FRMD3: variants seen among roughly 807,000 people sequenced by gnomAD.
FRMD3 encodes the protein FERM domain-containing protein 3.
A neutral mutation model predicts 70.2 loss-of-function variants in FRMD3; 33 were observed. The observed-to-expected ratio is 0.47, with a 90% confidence interval of 0.36 to 0.63. The LOEUF (loss-of-function observed/expected upper bound fraction) is 0.63, where lower values mean the gene tolerates loss of function less well. FRMD3 is among the 20% of genes least tolerant of loss of function. FRMD3 has a pLI of 0.00. For synonymous variants in FRMD3, 279 were observed against 255.9 expected (o/e 1.09, Z -0.86); for missense variants, 632 against 711.4 (o/e 0.89, Z 1.27).
chr9:83,491,628 T>C (rs1370229570), intron 1 of FRMD3, among the ~76,000 whole-genome samples: 1 of 152,014 alleles, frequency 6.6e-6, no homozygotes, highest in Non-Finnish European at 1.5e-5. Context: ...ACTCCACAGG[T>C]TTTGGTGACC....
chr9:83,359,280 G>T (rs1173559050), intron 3 of FRMD3, among the ~76,000 whole-genome samples: 3 of 152,280 alleles, frequency 2.0e-5, no homozygotes, highest in Non-Finnish European at 2.9e-5. Flanking sequence ...AATGCTGAGT[G>T]GTTGCCTCAC....
the FRMD3 span, among the ~76,000 whole-genome samples, chr9:83,577,447 C>T: frequency 3.1e-4 from 47 of 152,062 alleles, no homozygotes; most frequent in Middle Eastern, 3.4e-3. Context: ...CAAGACAATT[C>T]GATGAGGGAA....
intron 1 of FRMD3, among the ~76,000 whole-genome samples, chr9:83,407,500 C>T (rs998338768): frequency 6.6e-6 from 1 of 152,206 alleles, no homozygotes; most frequent in African/African-American, 2.4e-5. Context: ...TTCGGCTCCA[C>T]AATCCCTACC....
chr9:83,350,668 A>G lies in FRMD3; in HGVS notation c.296-911T>C, dbSNP rs1027549696. On this transcript the variant is annotated intron_variant, in intron 3 of 13. Transcript: ENST00000304195. ...GAAAGAAAAAGAAAAAGAAAGAAGAAAAAGAAAAAAAAGAAAAGAAAACAA... is the reference window on the plus strand; with the variant it reads ...GAAAGAAAAAGAAAAAGAAAGAAGAGAAAGAAAAAAAAGAAAAGAAAACAA... 4 of 680,512 alleles carry G rather than the reference A, an allele frequency of 5.9e-6. No individual in the cohort carries two copies. In the African/African-American group the frequency reaches 7.8e-5, roughly 13 times the overall value. 42.2% of individuals were successfully genotyped at this position (680,512 alleles called of 1,614,324 possible).
intron 6 of FRMD3, among the ~76,000 whole-genome samples, chr9:83,314,944 A>G (rs931577762): frequency 2.6e-5 from 4 of 151,880 alleles, no homozygotes; most frequent in Non-Finnish European, 5.9e-5. Context: ...TTCATTCTTT[A>G]TATCTCTGTC....
At chr9:83,428,580 T>G (rs1826881766) in intron 1 of FRMD3, among the ~76,000 whole-genome samples, 1 of 151,860 alleles carries the variant, frequency 6.6e-6, no homozygotes, top group African/African-American at 2.4e-5. Flanking sequence ...TATTTAGTCC[T>G]CAGTTCATTT....
chr9:83,368,012 T>C lies in FRMD3; in HGVS notation c.295+4901A>G, dbSNP rs1363390654. On this transcript the variant is annotated intron_variant, in intron 3 of 13. Transcript: ENST00000304195. ...TCCATTGTGTTCTTCTATTATATAT[T>C]GATAAACACAGCAACTTGGGTGAAT... Among the ~76,000 whole-genome samples, 4 of 152,206 alleles carry C rather than the reference T, an allele frequency of 2.6e-5. No individual in the cohort carries two copies. The South Asian group carries it at 6.2e-4, about 24-fold the overall frequency.
chr9:83,346,008 G>C (rs1036722622), intron 4 of FRMD3, among the ~76,000 whole-genome samples: 2 of 152,026 alleles, frequency 1.3e-5, no homozygotes, highest in African/African-American at 4.8e-5. Context: ...TGTACTCCCA[G>C]CATTTGGGAG....
intron 3 of FRMD3, among the ~76,000 whole-genome samples, chr9:83,358,462 T>C (rs1434686034): frequency 6.6e-6 from 1 of 152,200 alleles, no homozygotes; most frequent in Non-Finnish European, 1.5e-5. Context: ...TTTCTAGTTA[T>C]GTGAAGAATG....
intron 1 of FRMD3, among the ~76,000 whole-genome samples, chr9:83,494,675 G>T (rs1828899545): frequency 6.6e-6 from 1 of 152,172 alleles, no homozygotes; most frequent in Non-Finnish European, 1.5e-5. Flanking sequence ...ACCCAAGGTG[G>T]GGAGGATTGC....
intron 1 of FRMD3, among the ~76,000 whole-genome samples, chr9:83,530,409 C>T (rs1211190435): frequency 6.6e-6 from 1 of 152,102 alleles, no homozygotes; most frequent in South Asian, 2.1e-4. Context: ...TTTTATGATT[C>T]CATTTTTATC....
In FRMD3 at chr9:83,507,158, C is replaced by T. The variant is rs569803006; in HGVS notation, c.147+30927G>A. 3.1e-4 allele frequency among the ~76,000 whole-genome samples: 46 copies of T among 150,354 alleles called. 2 individuals are homozygous for T. In the South Asian group the frequency reaches 6.3e-3, roughly 21 times the overall value. The stretch of plus-strand genomic sequence containing the variant: ...GGTGGATCACTTGACGTCAGGAGTT[C>T]GAGACCAGCCTGGCCAACATGGTGA... On this transcript the variant is annotated intron_variant, in intron 1 of 13. Coordinates refer to ENST00000304195, the MANE Select transcript of FRMD3 (RefSeq NM_174938.6).
chr9:83,343,373 G>T, intron 4 of FRMD3, 86 bp from the exon 5 acceptor site: 1 of 890,264 alleles, frequency 1.1e-6, no homozygotes, highest in Non-Finnish European at 1.8e-6. Flanking sequence ...CTCCCATGGT[G>T]ACCAGAGCTT....
intron 1 of FRMD3, among the ~76,000 whole-genome samples, chr9:83,446,367 G>A (rs967927854): frequency 7.9e-5 from 12 of 152,292 alleles, no homozygotes; most frequent in African/African-American, 2.9e-4. Flanking sequence ...ACCTCTGTTG[G>A]CCGGGCGCGG....
chr9:83,245,287 C>CCATCT lies in FRMD3; in HGVS notation c.*2626_*2630dup. 3 of 985,402 alleles carry CCATCT rather than the reference C, an allele frequency of 3.0e-6. No homozygotes were observed. Among genetic ancestry groups the CCATCT allele is most frequent in the Non-Finnish European group, 3.6e-6 (3 of 829,914 alleles). 61.0% of individuals were successfully genotyped at this position (985,402 alleles called of 1,614,324 possible). On this transcript the variant is annotated 3_prime_UTR_variant, in exon 14 of 14. Coordinates refer to ENST00000304195, the MANE Select transcript of FRMD3 (RefSeq NM_174938.6). ...TATATCTCACTCTATAATATACTGT[C>CCATCT]CATCTCTGGAAGCAGGCTTTTCCTC...
At chr9:83,416,421 C>T (rs1274619169) in intron 1 of FRMD3, among the ~76,000 whole-genome samples, 1 of 152,198 alleles carries the variant, frequency 6.6e-6, no homozygotes, top group Non-Finnish European at 1.5e-5. Flanking sequence ...ATGCAGTGGC[C>T]TTCTCTGCAT....
chr9:83,402,292 T>C (rs1825971833), intron 1 of FRMD3, among the ~76,000 whole-genome samples: 1 of 146,946 alleles, frequency 6.8e-6, no homozygotes. Context: ...GCATACGAGA[T>C]GGCTACCCTG....
chr9:83,403,348 G>A (rs1025548485), intron 1 of FRMD3, among the ~76,000 whole-genome samples: 1 of 152,150 alleles, frequency 6.6e-6, no homozygotes, highest in Non-Finnish European at 1.5e-5. Flanking sequence ...AGAGAGAAAC[G>A]GGAGGAAAGA....
chr9:83,357,029 C>A lies in FRMD3; in HGVS notation c.296-7272G>T, dbSNP rs149815194. 1.2e-3 allele frequency among the ~76,000 whole-genome samples: 174 copies of A among 150,794 alleles called. 2 individuals are homozygous for A. In the Middle Eastern group the frequency reaches 0.017, roughly 15 times the overall value. On this transcript the variant is annotated intron_variant, in intron 3 of 13. Transcript: ENST00000304195. ...CATTCCTGAAATACTCAATTAGAGT[C>A]TTCAATTCCTGCAAATGCCATTAAT...
Sources: gnomAD v4.1 joint callset for allele counts (sites outside exome capture counted in the v4.1 genomes callset) on GRCh38, gnomAD v4.1.1 for gene constraint, MANE v1.5 for transcripts, NCBI Gene and HGNC (gene_info 2026-07-23, HGNC 2026-07-21) for gene names.